Variants in ADCY4 observed in about 807,000 individuals in gnomAD.
ADCY4 encodes the protein adenylate cyclase type 4.
A neutral mutation model predicts 125.5 loss-of-function variants in ADCY4; 111 were observed. The ratio of observed to expected loss-of-function variants is 0.88; its 90% CI spans 0.76 to 1.04. The LOEUF is 1.04. Among genes scored for constraint, ADCY4 ranks in the 50% least tolerant of loss-of-function variants. The probability of loss-of-function intolerance (pLI) is 0.00; values close to 1 mark genes in which losing one functional copy is unlikely to be tolerated. For missense variants in ADCY4, 1,256 were observed against 1,382.9 expected (o/e 0.91, Z 1.46); for synonymous variants, 576 against 586.9 (o/e 0.98, Z 0.27).
At chr14:24,328,709 G>C (rs1005880654) in intron 10 of ADCY4, 4 of 237,778 alleles carry the variant, frequency 1.7e-5, no homozygotes, top group Non-Finnish European at 3.3e-5. Flanking sequence ...GTGGTCCCCC[G>C]GGCCCAGCTG....
Position 24,334,695 on chromosome 14 carries a change from G to A in ADCY4, c.-43C>T. On this transcript the variant is annotated 5_prime_UTR_variant, in exon 1 of 25. Coordinates refer to ENST00000418030, the MANE Select transcript of ADCY4 (RefSeq NM_001198568.2). ...GCCCCGGGGCTGGCTAGGGCCGGGC[G>A]CCGGGTTACCTCCTTCGGCCCGGCG... 2.8e-6 allele frequency: 4 copies of A among 1,449,406 alleles called. No homozygotes were observed. Among genetic ancestry groups the A allele is most frequent in the East Asian group, 5.3e-5 (2 of 37,438 alleles). The allele number at this position is 1,449,406 out of a possible 1,614,324, so 89.8% of individuals were successfully genotyped here.
rs1397834828 is a variant in ADCY4, at chr14:24,319,085, G to A, written c.2956+13C>T. On this transcript the variant is annotated intron_variant, in intron 23 of 24. Coordinates refer to ENST00000418030, the MANE Select transcript of ADCY4 (RefSeq NM_001198568.2). The surrounding 1 kb of genome is among the most constrained non-coding windows in gnomAD (Gnocchi z 4.5). ...GGAGGTACCAGACTGCTGCAGCAGGGGAAGTCTCTCACCCACTCGCAGGCG... is the reference window on the plus strand; with the variant it reads ...GGAGGTACCAGACTGCTGCAGCAGGAGAAGTCTCTCACCCACTCGCAGGCG... 8.7e-6 allele frequency: 14 copies of A among 1,613,516 alleles called. No homozygotes were observed. Among genetic ancestry groups the A allele is most frequent in the Non-Finnish European group, 1.1e-5 (13 of 1,179,572 alleles).
chr14:24,331,185 C>T (rs760299672), intron 5 of ADCY4, 23 bp downstream of exon 5: 1 of 1,613,938 alleles, frequency 6.2e-7, no homozygotes, highest in Non-Finnish European at 8.5e-7. Flanking sequence ...AGGCCCCTCC[C>T]CTCCAGCCAT....
chr14:24,326,275 G>A (rs200393225), intron 11 of ADCY4, 24 bp downstream of exon 11: 6 of 1,613,988 alleles, frequency 3.7e-6, no homozygotes, highest in Non-Finnish European at 5.1e-6. Context: ...AGCCCCACTG[G>A]CAAAGACTTT....
rs1169157159 is a variant in ADCY4 at position 24,322,864 on chromosome 14, C to T, written c.2342+40G>A. On this transcript the variant is annotated intron_variant, in intron 18 of 24. Transcript: ENST00000418030. ...TCTGCTGTATCCCATCTCACCCCAT[C>T]CCAGGGGGCCCGGCACCTCTGTCCA... 3 of 1,556,996 alleles carry T rather than the reference C, an allele frequency of 1.9e-6. No homozygotes were observed. In the South Asian group the frequency reaches 3.5e-5, roughly 18 times the overall value.
intron 12 of ADCY4, 91 bp downstream of exon 12, chr14:24,325,988 T>A (rs2041935934): frequency 1.3e-6 from 2 of 1,586,044 alleles, no homozygotes; most frequent in Non-Finnish European, 1.7e-6. Context: ...GTCAGGCGAG[T>A]CTTCCCTCCA....
intron 16 of ADCY4, 151 bp downstream of exon 16, chr14:24,323,911 A>G: frequency 8.7e-7 from 1 of 1,147,012 alleles, no homozygotes; most frequent in Non-Finnish European, 1.2e-6. Flanking sequence ...AGATTGCTGG[A>G]GACTGTAATT....
intron 1 of ADCY4, among the ~76,000 whole-genome samples, chr14:24,333,785 G>C (rs912893091): frequency 6.6e-6 from 1 of 152,142 alleles, no homozygotes; most frequent in South Asian, 2.1e-4. Flanking sequence ...GGCAGCGCTC[G>C]AGCAGCAGGG....
intron 10 of ADCY4, 106 bp downstream of exon 10, chr14:24,328,955 T>C (rs1053865784): frequency 9.4e-6 from 13 of 1,380,304 alleles, no homozygotes; most frequent in Middle Eastern, 2.2e-4. Context: ...CACAAATCAT[T>C]AAGTGGCTCA....
intron 10 of ADCY4, chr14:24,328,595 G>T: frequency 6.1e-6 from 1 of 163,206 alleles, no homozygotes; most frequent in South Asian, 1.4e-4. Context: ...CCTATCATTG[G>T]AGGTGACTCA....
chr14:24,326,251 G>T, intron 11 of ADCY4, 48 bp downstream of exon 11: 1 of 1,613,836 alleles, frequency 6.2e-7, no homozygotes. Context: ...GAGGATGGAG[G>T]GGGTCATCCA....
Position 24,322,147 on chromosome 14 carries a change from C to T in ADCY4, c.2505G>A (p.Glu835=), listed in dbSNP as rs1405712682. 2 of 1,614,166 alleles carry T rather than the reference C, an allele frequency of 1.2e-6. No homozygotes were observed. Among genetic ancestry groups the T allele is most frequent in the Non-Finnish European group, 1.7e-6 (2 of 1,180,018 alleles). The change falls in exon 20 of 25, where the codon GAG becomes GAA. Residue 835 remains glutamate, a synonymous_variant. Coordinates refer to ENST00000418030, the MANE Select transcript of ADCY4 (RefSeq NM_001198568.2). ...TCTCCAAGAGCAGCCGAGTCAGGTTCTCCATCGTCTCTGTCTCCTCCCTCT... is the reference window on the plus strand; with the variant it reads ...TCTCCAAGAGCAGCCGAGTCAGGTTTTCCATCGTCTCTGTCTCCTCCCTCT... ...RQEREETETM[E]NLTRLLLENV...
In ADCY4 at chr14:24,332,772, C is replaced by T. The variant is rs866518399; in HGVS notation, c.357+19G>A. ...GAAGCCCGGGCCGTCCCCGCTGCCC[C>T]GCCTGCCGCCCCTCTCACCTGGTCC... On this transcript the variant is annotated intron_variant, in intron 2 of 24. Coordinates refer to ENST00000418030, the MANE Select transcript of ADCY4 (RefSeq NM_001198568.2). 21 of 1,535,102 alleles carry T rather than the reference C, an allele frequency of 1.4e-5. No individual in the cohort carries two copies. Among genetic ancestry groups the T allele is most frequent in the Middle Eastern group, 3.5e-4 (2 of 5,686 alleles).
chr14:24,334,564 A>C lies in ADCY4; in HGVS notation c.89T>G (p.Leu30Arg). 6.3e-7 allele frequency: 1 copy of C among 1,581,644 alleles called. No individual in the cohort carries two copies. Among genetic ancestry groups the C allele is most frequent in the Non-Finnish European group, 8.6e-7 (1 of 1,167,216 alleles). The part of the protein sequence containing the change: ...YYSLSQQYPL[L>R]LLLLGIVLCA... Reference sequence around the variant, plus strand: ...GAGCACGATCCCCAGCAGCAGCAGCAGCAGCGGGTACTGCTGGCTCAGGCT... The same window carrying C: ...GAGCACGATCCCCAGCAGCAGCAGCCGCAGCGGGTACTGCTGGCTCAGGCT... Residue 30 changes from leucine to arginine, a missense_variant, in exon 1 of 25, where the codon CTG becomes CGG. Coordinates refer to ENST00000418030, the MANE Select transcript of ADCY4 (RefSeq NM_001198568.2).
At position 24,325,858 on chromosome 14, in the gene ADCY4, G is replaced by A. The variant is rs1195196904; in HGVS notation, c.1685C>T (p.Pro562Leu). The change falls in exon 13 of 25, where the codon CCA (proline) becomes CTA (leucine). Residue 562 changes from proline to leucine, a missense_variant. Coordinates refer to ENST00000418030, the MANE Select transcript of ADCY4 (RefSeq NM_001198568.2). Reference sequence around the variant, plus strand: ...CTTCTCTCTGAAGTACAGTGTCAGTGGGTTGAAGTCCTTCGACTGCTTCCA... The same window carrying A: ...CTTCTCTCTGAAGTACAGTGTCAGTAGGTTGAAGTCCTTCGACTGCTTCCA... ...KQWKQSKDFNPLTLYFREKEM... is the reference protein window; with the variant it reads ...KQWKQSKDFNLLTLYFREKEM... 1.0e-5 allele frequency: 16 copies of A among 1,597,246 alleles called. No individual in the cohort carries two copies. The highest frequency in any genetic ancestry group is 1.6e-4 in the Middle Eastern group (1 of 6,062).
intron 16 of ADCY4, among the ~76,000 whole-genome samples, chr14:24,323,845 AAAGAT>A: frequency 6.6e-6 from 1 of 152,362 alleles, no homozygotes; most frequent in South Asian, 2.1e-4. Flanking sequence ...TACACAGAAA[AAAGAT>A]AAGAAGGACA....
At chr14:24,325,970 A>T (rs2041935521) in intron 12 of ADCY4, 83 bp from the exon 13 acceptor site, 1 of 1,588,232 alleles carries the variant, frequency 6.3e-7, no homozygotes, top group Non-Finnish European at 8.6e-7. Context: ...TGAGGGCAAG[A>T]GGGGGTGGTC....
chr14:24,322,662 A>G lies in ADCY4; in HGVS notation c.2389T>C (p.Phe797Leu). Residue 797 changes from phenylalanine (F) to leucine (L), a missense_variant, in exon 19 of 25, where the codon TTC becomes CTC. By Grantham distance (22) the Phe-to-Leu change is conservative (BLOSUM62 0). Coordinates refer to ENST00000418030, the MANE Select transcript of ADCY4 (RefSeq NM_001198568.2). ...EPKLMGAISF[F>L]IFFFTLLVLA... is the part of the protein sequence containing the mutation. ...ACAAGGAGGGTGAAGAAGAAGATGA[A>G]GAAGGAGATAGCACCCATCAGTTTG... 6.2e-7 allele frequency: 1 copy of G among 1,614,104 alleles called. No homozygotes were observed. The highest frequency in any genetic ancestry group is 8.5e-7 in the Non-Finnish European group (1 of 1,179,998).
At chr14:24,326,028 C>A (rs141732995) in intron 12 of ADCY4, 51 bp downstream of exon 12, 1 of 1,436,648 alleles carries the variant, frequency 7.0e-7, no homozygotes, top group Non-Finnish European at 9.2e-7. Context: ...CCCTTCTCCA[C>A]CATATGACCT....
Sources: gnomAD v4.1 joint callset for allele counts (sites outside exome capture counted in the v4.1 genomes callset) on GRCh38, gnomAD v4.1.1 for gene constraint, Gnocchi (gnomAD v3.1) non-coding constraint, MANE v1.5 for transcripts, NCBI Gene and HGNC (gene_info 2026-07-23, HGNC 2026-07-21) for gene names.